The following IGF2R variants were observed in gnomAD, a reference collection of about 807,000 sequenced individuals.
The protein encoded by IGF2R is cation-independent mannose-6-phosphate receptor.
In IGF2R, 91 loss-of-function variants were observed where a neutral mutation model predicts 270.6. The observed-to-expected ratio is 0.34, with a 90% CI of 0.28 to 0.40. The LOEUF (loss-of-function observed/expected upper bound fraction) is 0.40, where lower values mean the gene tolerates loss of function less well. Ranked by LOEUF, IGF2R falls within the 10% of genes least tolerant of loss-of-function variation. The pLI is 1.00. For synonymous variants in IGF2R, 1,316 were observed against 1,258.9 expected (o/e 1.05, Z -0.96); for missense variants, 2,805 against 3,188.3 (o/e 0.88, Z 2.90).
chr6:160,029,865 C>T (rs1777656735), intron 7 of IGF2R, among the ~76,000 whole-genome samples: 2 of 152,164 alleles, frequency 1.3e-5, no homozygotes, highest in African/African-American at 2.4e-5. Context: ...TTGCATTTTG[C>T]CTTTTGCTTT....
At chr6:160,003,856 T>C (rs1158892672) in intron 2 of IGF2R, 1 of 151,978 alleles carries the variant, frequency 6.6e-6, no homozygotes, top group East Asian at 1.9e-4. Context: ...TACTGGGGGC[T>C]CGGGTGTGTG....
Position 160,047,874 on chromosome 6 carries a change from A to AC in IGF2R, c.2316dup (p.Ser773LeufsTer15). 1 of 1,613,670 alleles carries AC rather than the reference A, an allele frequency of 6.2e-7. No individual in the cohort carries two copies. The highest frequency in any genetic ancestry group is 8.5e-7 in the Non-Finnish European group (1 of 1,179,602). On this transcript the variant is annotated frameshift_variant, in exon 17 of 48. Coordinates refer to ENST00000356956, the MANE Select transcript of IGF2R (RefSeq NM_000876.4). LOFTEE classifies it high-confidence loss of function. ...GAGCCCCTGGAATGCGTAGTGACCG[A>AC]CCCCTCCACGCTGGAGCAGTACGAC...
In IGF2R at chr6:160,004,304, C is replaced by T. The variant is rs1784177911; in HGVS notation, c.290-4706C>T. On this transcript the variant is annotated intron_variant, in intron 2 of 47. Coordinates refer to ENST00000356956, the MANE Select transcript of IGF2R (RefSeq NM_000876.4). This position sits in a 1 kb window ranked among gnomAD's most constrained non-coding sequence, Gnocchi z 5.2. ...AGGGCTGCCTGTGAAGTCAGGATCA[C>T]CAGGCTTTGTGGCTTCAAGGAGGCC... The T allele has an allele frequency of 6.6e-6, 1 of 152,210 alleles. No individual in the cohort carries two copies. Among genetic ancestry groups the T allele is most frequent in the African/African-American group, 2.4e-5 (1 of 41,422 alleles). 9.4% of individuals were successfully genotyped at this position (152,210 alleles called of 1,614,324 possible).
intron 29 of IGF2R, among the ~76,000 whole-genome samples, chr6:160,065,824 A>G (rs1206127053): frequency 0.039 from 2,969 of 76,038 alleles, 81 homozygotes; most frequent in East Asian, 0.14. Context: ...GTATATATAT[A>G]TATATATATA....
Position 160,073,312 on chromosome 6 carries a change from C to G in IGF2R, c.4790C>G (p.Pro1597Arg), listed in dbSNP as rs777630490. The change falls in exon 34 of 48, where the codon CCT becomes CGT. Residue 1597 changes from proline to arginine, a missense_variant. By Grantham distance (103) the Pro-to-Arg change is moderately radical (BLOSUM62 -2). Transcript: ENST00000356956. ...CAGCTGGTGTACAAGGATGGGTCCC[C>G]TTGTCCCTCCAAATCCGGCCTGAGC... Reference protein sequence around the residue: ...VLQLVYKDGSPCPSKSGLSYK... With the variant: ...VLQLVYKDGSRCPSKSGLSYK... 2 of 1,614,260 alleles carry G rather than the reference C, an allele frequency of 1.2e-6. No homozygotes were observed. The highest frequency in any genetic ancestry group is 1.7e-6 in the Non-Finnish European group (2 of 1,180,054).
intron 10 of IGF2R, 48 bp from the exon 11 acceptor site, chr6:160,040,512 A>T (rs1168298245): frequency 6.5e-7 from 1 of 1,548,194 alleles, no homozygotes; most frequent in Non-Finnish European, 8.9e-7. Context: ...GCTGTTCCTC[A>T]ATTTTGGTCA....
At chr6:159,989,637 G>A (rs751812191) in intron 1 of IGF2R, among the ~76,000 whole-genome samples, 6 of 152,192 alleles carry the variant, frequency 3.9e-5, no homozygotes, top group African/African-American at 1.4e-4. Context: ...TTGGTATGTT[G>A]CCCAGGCTGG....
chr6:160,081,190 G>A (rs1328055099), intron 39 of IGF2R, among the ~76,000 whole-genome samples: 1 of 151,970 alleles, frequency 6.6e-6, no homozygotes, highest in South Asian at 2.1e-4. Flanking sequence ...ACCAGCCCCC[G>A]ATTTTTCAAC....
At chr6:160,072,204 G>A (rs1269820733) in intron 32 of IGF2R, among the ~76,000 whole-genome samples, 168 bp downstream of exon 32, 2 of 152,166 alleles carry the variant, frequency 1.3e-5, no homozygotes, top group African/African-American at 4.8e-5. Context: ...ATGGGCTGCT[G>A]TGTGTTCTCC....
intron 42 of IGF2R, 53 bp downstream of exon 42, chr6:160,088,200 A>C: frequency 8.6e-7 from 1 of 1,169,446 alleles, no homozygotes; most frequent in Non-Finnish European, 1.3e-6. Context: ...TACTGGAGGG[A>C]ATTCCTCCTT....
intron 30 of IGF2R, 133 bp from the exon 31 acceptor site, chr6:160,069,735 A>G: frequency 1.4e-6 from 1 of 724,964 alleles, no homozygotes; most frequent in Non-Finnish European, 2.3e-6. Context: ...TGAAAGAAAT[A>G]GCAGGTATTT....
chr6:160,089,335 A>G (rs1779167527), intron 43 of IGF2R, 82 bp downstream of exon 43: 1 of 1,270,386 alleles, frequency 7.9e-7, no homozygotes, highest in African/African-American at 1.5e-5. Flanking sequence ...ATCGGGGAGC[A>G]CTGCAGGATA....
chr6:159,989,925 T>C (rs573577631), intron 1 of IGF2R, among the ~76,000 whole-genome samples: 1 of 152,216 alleles, frequency 6.6e-6, no homozygotes, highest in Non-Finnish European at 1.5e-5. Context: ...TACTGATTGA[T>C]GCATTAGCAA....
rs779127608 is a variant in IGF2R at position 160,050,593 on chromosome 6, G to A, written c.2635G>A (p.Asp879Asn). ...GAATGGGTCGGCCTGCACCACCAGCGATGGCAGACAGACCACATATACCAC... is the reference window on the plus strand; with the variant it reads ...GAATGGGTCGGCCTGCACCACCAGCAATGGCAGACAGACCACATATACCAC... ...YVNGSACTTSDGRQTTYTTRI... is the reference protein window; with the variant it reads ...YVNGSACTTSNGRQTTYTTRI... The change falls in exon 19 of 48, where the codon GAT becomes AAT. Residue 879 changes from aspartate (D) to asparagine (N), a missense_variant. This residue lies in a region of IGF2R where 1,851 missense variants were observed against 2,207.2 expected (regional missense o/e 0.84). Transcript: ENST00000356956. The surrounding 1 kb of genome is among the most constrained non-coding windows in gnomAD (Gnocchi z 4.0). 2.7e-5 allele frequency: 43 copies of A among 1,613,936 alleles called. No individual in the cohort carries two copies. The highest frequency in any genetic ancestry group is 3.6e-5 in the Non-Finnish European group (43 of 1,179,930).
intron 44 of IGF2R, chr6:160,093,589 A>C (rs1779279942): frequency 1.5e-6 from 1 of 679,854 alleles, no homozygotes; most frequent in Admixed American, 2.0e-5. Context: ...CCATCAACCC[A>C]GTGGGGGACT....
intron 2 of IGF2R, among the ~76,000 whole-genome samples, chr6:159,995,335 G>T (rs6935913): frequency 0.17 from 25,670 of 151,064 alleles, 2,649 homozygotes; most frequent in East Asian, 0.45. Context: ...CCAGTTAGGT[G>T]GTTTTCTGTA....
chr6:160,090,591 T>C (rs1265003574), intron 44 of IGF2R, among the ~76,000 whole-genome samples: 1 of 152,264 alleles, frequency 6.6e-6, no homozygotes, highest in Non-Finnish European at 1.5e-5. Flanking sequence ...GGTTTTAAAC[T>C]GGCACTAATA....
In IGF2R at chr6:159,969,326, A is replaced by AGCT. The variant is rs764359614; in HGVS notation, c.90_92dup (p.Leu31dup). ...CCGCAGCGCTCTCTGCTCCTGCTGC[A>AGCT]GCTGCTGCTGCTCGTCGCTGCCCCG... On this transcript the variant is annotated inframe_insertion, in exon 1 of 48. Transcript: ENST00000356956. The AGCT allele has an allele frequency of 2.1e-5, 28 of 1,305,392 alleles. No homozygotes were observed. Among genetic ancestry groups the AGCT allele is most frequent in the African/African-American group, 7.7e-5 (5 of 65,246 alleles). The allele number at this position is 1,305,392 out of a possible 1,614,324, so 80.9% of individuals were successfully genotyped here.
At chr6:160,089,882 T>C (rs1779180957) in intron 43 of IGF2R, 34 bp from the exon 44 acceptor site, 2 of 1,472,706 alleles carry the variant, frequency 1.4e-6, no homozygotes, top group African/African-American at 1.4e-5. Context: ...CTTGAAGGAC[T>C]TCCATGTCAC....
Sources: allele counts gnomAD v4.1 joint callset (sites outside exome capture counted in the v4.1 genomes callset), GRCh38; gene constraint gnomAD v4.1.1; regional missense constraint gnomAD v4.1.1; non-coding constraint Gnocchi (gnomAD v3.1); transcripts MANE v1.5; gene names NCBI Gene and HGNC (gene_info 2026-07-23, HGNC 2026-07-21).